SQOR: variants seen among roughly 807,000 people sequenced by gnomAD.
The protein encoded by SQOR is sulfide:quinone oxidoreductase, mitochondrial.
A neutral mutation model predicts 48.6 loss-of-function variants in SQOR; 39 were observed. That is an observed-to-expected ratio of 0.80 (90% CI 0.62 to 1.05). SQOR has a LOEUF of 1.05. SQOR is among the 50% of genes least tolerant of loss of function. The pLI, the probability that SQOR is intolerant of heterozygous loss-of-function variation, is 0.00. For missense variants in SQOR, 561 were observed against 559.9 expected, an observed-to-expected ratio of 1.00 and a Z score of -0.02; for synonymous variants, 220 against 206.2, an observed-to-expected ratio of 1.07 and a Z score of -0.57.
chr15:45,675,302 C>T (rs1890016404), intron 5 of SQOR, among the ~76,000 whole-genome samples: 1 of 152,000 alleles, frequency 6.6e-6, no homozygotes, highest in South Asian at 2.1e-4. Context: ...ATATTGGCCT[C>T]TCTGATCTTA....
intron 9 of SQOR, 162 bp downstream of exon 9, chr15:45,689,379 A>C: frequency 1.8e-6 from 1 of 568,204 alleles, no homozygotes. Context: ...ATAGTAAATC[A>C]CTTTCACATA....
chr15:45,659,249 A>T (rs1435278294), intron 2 of SQOR, 92 bp downstream of exon 2: 9 of 1,081,762 alleles, frequency 8.3e-6, no homozygotes, highest in Non-Finnish European at 1.1e-5. Flanking sequence ...GGATATGACT[A>T]TCAAGCAATG....
rs1984772 is a variant in SQOR, at chr15:45,648,198, C to T, written c.-17-10709C>T. ...TTGTTTTTTTGTTTTTTTTTTGAGA[C>T]GGAATCTTGCGCCACCGTCACCAGG... is the stretch of plus-strand genomic sequence containing the variant. On this transcript the variant is annotated intron_variant, in intron 1 of 9. Coordinates refer to ENST00000260324, the MANE Select transcript of SQOR (RefSeq NM_021199.4). 6.1e-3 allele frequency among the ~76,000 whole-genome samples: 918 copies of T among 150,478 alleles called. 9 individuals carry two copies. The highest frequency in any genetic ancestry group is 0.02 in the African/African-American group (814 of 40,976).
chr15:45,676,406 T>G, intron 6 of SQOR, 96 bp downstream of exon 6: 2 of 1,252,878 alleles, frequency 1.6e-6, no homozygotes, highest in Non-Finnish European at 2.3e-6. Context: ...GCCATCATTG[T>G]GTGCTGGGGA....
chr15:45,676,028 C>G (rs974622337), intron 5 of SQOR, 73 bp from the exon 6 acceptor site: 3 of 1,443,444 alleles, frequency 2.1e-6, no homozygotes, highest in Non-Finnish European at 2.8e-6. Context: ...GGTTTTAATT[C>G]TTGTCTGGAT....
chr15:45,637,211 G>A (rs1185180266), intron 1 of SQOR, among the ~76,000 whole-genome samples: 1 of 152,078 alleles, frequency 6.6e-6, no homozygotes, highest in East Asian at 1.9e-4. Context: ...GTCTTGAACT[G>A]CTGACCTCAA....
intron 9 of SQOR, among the ~76,000 whole-genome samples, chr15:45,690,122 G>A (rs555919014): frequency 3.9e-5 from 4 of 102,024 alleles, no homozygotes; most frequent in South Asian, 3.0e-4. Flanking sequence ...TGCCCTGCCC[G>A]TGGTGTGATC....
chr15:45,676,121 C>T lies in SQOR; in HGVS notation c.675C>T (p.Ala225=). The change falls in exon 6 of 10, where the codon GCC becomes GCT. Residue 225 remains alanine (A), a synonymous_variant. Coordinates refer to ENST00000260324, the MANE Select transcript of SQOR (RefSeq NM_021199.4). ...YFRKTGKRSK[A]NIIFNTSLGA... ...CTCAGACAGGGAAGCGATCCAAGGC[C>T]AATATCATTTTCAACACTTCTCTTG... 1.2e-6 allele frequency: 2 copies of T among 1,613,908 alleles called. No individual in the cohort carries two copies. Among genetic ancestry groups the T allele is most frequent in the South Asian group, 1.1e-5 (1 of 91,052 alleles).
chr15:45,651,976 G>A (rs764761377), intron 1 of SQOR, among the ~76,000 whole-genome samples: 34 of 149,618 alleles, frequency 2.3e-4, no homozygotes, highest in South Asian at 4.3e-4. Flanking sequence ...GCAACCCCCC[G>A]CCTCCTGGGT....
chr15:45,677,485 G>C (rs1890057860), intron 6 of SQOR, among the ~76,000 whole-genome samples: 1 of 152,150 alleles, frequency 6.6e-6, no homozygotes, highest in South Asian at 2.1e-4. Context: ...CTCCAGTGCA[G>C]GACTCAGGCT....
At chr15:45,657,937 C>T (rs1388974357) in intron 1 of SQOR, among the ~76,000 whole-genome samples, 4 of 152,034 alleles carry the variant, frequency 2.6e-5, no homozygotes, top group Non-Finnish European at 4.4e-5. Flanking sequence ...TATCATGAGC[C>T]GGAGCCACTC....
At position 45,659,034 on chromosome 15, in the gene SQOR, C is replaced by A; in HGVS notation, c.111C>A (p.Ser37Arg). The A allele has an allele frequency of 6.2e-7, 1 of 1,600,740 alleles. No individual in the cohort carries two copies. Among genetic ancestry groups the A allele is most frequent in the Non-Finnish European group, 8.5e-7 (1 of 1,174,022 alleles). The change falls in exon 2 of 10, where the codon AGC becomes AGA. Residue 37 changes from serine (S) to arginine (R), a missense_variant. Transcript: ENST00000260324. ...CCCTTCAGCTGCACACCGGGGCCAG[C>A]CATGCGGCCAGGAACCATTATGAGG... ...VGPLQLHTGA[S>R]HAARNHYEVL...
At chr15:45,638,792 C>G (rs548444866) in intron 1 of SQOR, among the ~76,000 whole-genome samples, 1 of 151,142 alleles carries the variant, frequency 6.6e-6, no homozygotes, top group South Asian at 2.1e-4. Context: ...GAGCCCTAAT[C>G]CAATATGAAT....
In SQOR at chr15:45,676,242, G is replaced by T. The variant is rs749578771; in HGVS notation, c.796G>T (p.Val266Phe). 1 of 1,614,092 alleles carries T rather than the reference G, an allele frequency of 6.2e-7. No individual in the cohort carries two copies. Among genetic ancestry groups the T allele is most frequent in the Non-Finnish European group, 8.5e-7 (1 of 1,179,996 alleles). ...TVNYKKNLIE[V>F]RADKQEAVFE... is the part of the protein sequence containing the mutation. ...TAACTACAAGAAAAACCTCATTGAA[G>T]TCCGAGCCGATAAACAAGAGGCTGT... The change falls in exon 6 of 10, where the codon GTC (valine) becomes TTC (phenylalanine). Residue 266 changes from valine (V) to phenylalanine (F), a missense_variant. Physicochemically the swap from Val to Phe is conservative, Grantham distance 50. Coordinates refer to ENST00000260324, the MANE Select transcript of SQOR (RefSeq NM_021199.4).
chr15:45,679,474 C>T lies in SQOR; in HGVS notation c.865-3004C>T, dbSNP rs147199510. The stretch of plus-strand genomic sequence containing the variant: ...ATCCCAGCACTTTGGGAGGCCGAGG[C>T]GGGTGGATCACGAAGTCAGGAGTTT... On this transcript the variant is annotated intron_variant, in intron 6 of 9. Coordinates refer to ENST00000260324, the MANE Select transcript of SQOR (RefSeq NM_021199.4). Among the ~76,000 whole-genome samples, 545 of 152,154 alleles carry T rather than the reference C, an allele frequency of 3.6e-3. 2 individuals carry two copies. The highest frequency in any genetic ancestry group is 0.013 in the African/African-American group (521 of 41,526).
Position 45,661,978 on chromosome 15 carries a change from G to T in SQOR, c.258G>T (p.Trp86Cys). 6.2e-7 allele frequency: 1 copy of T among 1,614,102 alleles called. No individual in the cohort carries two copies. Among genetic ancestry groups the T allele is most frequent in the Non-Finnish European group, 8.5e-7 (1 of 1,179,994 alleles). ...AGAGACATTTCTACCAGCCAATCTGGACACTGGTGGGTGCTGGTGCCAAAC... is the reference window on the plus strand; with the variant it reads ...AGAGACATTTCTACCAGCCAATCTGTACACTGGTGGGTGCTGGTGCCAAAC... The part of the protein sequence containing the change: ...PSERHFYQPI[W>C]TLVGAGAKQL... Residue 86 changes from tryptophan (W) to cysteine (C), a missense_variant, in exon 3 of 10, where the codon TGG becomes TGT. Trp to Cys is a radical substitution (Grantham distance 215, BLOSUM62 -2). Transcript: ENST00000260324.
At chr15:45,683,068 G>A (rs35267652) in intron 7 of SQOR, among the ~76,000 whole-genome samples, 31,376 of 149,656 alleles carry the variant, frequency 0.21, 4,113 homozygotes, top group Non-Finnish European at 0.3. Flanking sequence ...GAAGCAAGTT[G>A]TCAATGAACC....
intron 1 of SQOR, among the ~76,000 whole-genome samples, chr15:45,653,564 C>T (rs533668448): frequency 3.9e-5 from 6 of 152,282 alleles, no homozygotes; most frequent in African/African-American, 1.4e-4. Flanking sequence ...TGTTATAGAG[C>T]TCAATTTCCA....
chr15:45,667,753 A>G (rs1003044229), intron 3 of SQOR, among the ~76,000 whole-genome samples: 2 of 152,072 alleles, frequency 1.3e-5, no homozygotes, highest in Non-Finnish European at 2.9e-5. Context: ...ACAAACCAAA[A>G]GCTCCTCTTG....
Sources: gnomAD v4.1 joint callset for allele counts (sites outside exome capture counted in the v4.1 genomes callset) on GRCh38, gnomAD v4.1.1 for gene constraint, MANE v1.5 for transcripts, NCBI Gene and HGNC (gene_info 2026-07-23, HGNC 2026-07-21) for gene names.